Variants in ACOT1 observed in about 807,000 individuals in gnomAD.
The protein encoded by ACOT1 is acyl-CoA thioesterase 1.
ACOT1 carries 8 observed loss-of-function variants against 15.7 expected under a neutral mutation model. The ratio of observed to expected loss-of-function variants is 0.51; its 90% confidence interval spans 0.30 to 0.92. The LOEUF (loss-of-function observed/expected upper bound fraction) is 0.92, where lower values mean the gene tolerates loss of function less well. Among genes scored for constraint, ACOT1 ranks in the 40% least tolerant of loss-of-function variants. ACOT1 has a pLI of 0.06. For missense variants in ACOT1, 151 were observed against 539.4 expected, an observed-to-expected ratio of 0.28 and a Z score of 7.13; for synonymous variants, 67 against 241.2, an observed-to-expected ratio of 0.28 and a Z score of 6.69.
chr14:73,491,704 G>A, the ACOT1 span: 9 of 1,550,176 alleles, frequency 5.8e-6, no homozygotes, highest in Admixed American at 3.9e-5. Flanking sequence ...AGGCGGTGCT[G>A]GTGCGGCGGC....
chr14:73,499,130 C>T, the ACOT1 span: 49 of 1,614,042 alleles, frequency 3.0e-5, no homozygotes, highest in Non-Finnish European at 3.7e-5. Flanking sequence ...GTTCAGGAGG[C>T]ATTCAAGCAC....
At chr14:73,509,811 C>CATATATATATAT in the ACOT1 span, among the ~76,000 whole-genome samples, 6 of 19,492 alleles carry the variant, frequency 3.1e-4, 1 homozygote, top group South Asian at 1.9e-3. Context: ...CCCATGAGCC[C>CATATATATATAT]ATATATATAT....
At chr14:73,496,135 A>G in the ACOT1 span, among the ~76,000 whole-genome samples, 8 of 150,916 alleles carry the variant, frequency 5.3e-5, no homozygotes, top group Admixed American at 1.3e-4. Flanking sequence ...CCCCCCCTCA[A>G]AAAAAAAAGC....
the ACOT1 span, among the ~76,000 whole-genome samples, chr14:73,506,804 G>GTTTTTTTTTTTTTTTTTT: frequency 9.1e-3 from 734 of 80,448 alleles, 147 homozygotes; most frequent in East Asian, 0.085. Flanking sequence ...GACTTTAACT[G>GTTTTTTTTTTTTTTTTTT]TTTTTTTTTT....
chr14:73,505,890 C>CTT, the ACOT1 span, among the ~76,000 whole-genome samples: 15,651 of 113,298 alleles, frequency 0.14, 1,900 homozygotes, highest in Non-Finnish European at 0.21. Flanking sequence ...ATAAACGTTT[C>CTT]TTTTTTTTTT....
chr14:73,525,106 T>TGCA, the ACOT1 span, among the ~76,000 whole-genome samples: 1 of 152,196 alleles, frequency 6.6e-6, no homozygotes, highest in South Asian at 2.1e-4. Flanking sequence ...CATAGCTCAC[T>TGCA]GCAGCCTCAA....
At chr14:73,496,472 G>A in the ACOT1 span, 2 of 625,406 alleles carry the variant, frequency 3.2e-6, no homozygotes, top group African/African-American at 3.7e-5. Context: ...TGTGGCATCT[G>A]TGTCTGGGGT....
chr14:73,503,065 G>A, the ACOT1 span: 1 of 1,394,914 alleles, frequency 7.2e-7, no homozygotes. Flanking sequence ...TGTTAATTTT[G>A]TGCTTGGCGT....
the ACOT1 span, chr14:73,491,174 C>G: frequency 6.2e-7 from 1 of 1,601,956 alleles, no homozygotes. Context: ...CATGGCAGCG[C>G]TGAGGACGCA....
the ACOT1 span, among the ~76,000 whole-genome samples, chr14:73,521,672 G>C: frequency 6.6e-6 from 1 of 152,188 alleles, no homozygotes; most frequent in Non-Finnish European, 1.5e-5. Flanking sequence ...AGCAATCTAA[G>C]AAACATGTAG....
chr14:73,527,884 C>T, the ACOT1 span, among the ~76,000 whole-genome samples: 30 of 140,110 alleles, frequency 2.1e-4, 1 homozygote, highest in Admixed American at 1.0e-3. Context: ...GAGGCTGAGG[C>T]AGGAGAGTTC....
chr14:73,510,898 T>G, the ACOT1 span, among the ~76,000 whole-genome samples: 2 of 152,262 alleles, frequency 1.3e-5, no homozygotes, highest in African/African-American at 4.8e-5. Flanking sequence ...GGCCTGCCTG[T>G]TATAAGTTAC....
the ACOT1 span, among the ~76,000 whole-genome samples, chr14:73,508,982 T>G: frequency 2.0e-5 from 3 of 151,978 alleles, no homozygotes; most frequent in Non-Finnish European, 4.4e-5. Context: ...TAGGTCTGCC[T>G]CAGCCTCCTA....
In ACOT1 at chr14:73,542,439, G is replaced by A. The variant is rs544107899; in HGVS notation, c.661-611G>A. 1.1e-3 allele frequency among the ~76,000 whole-genome samples: 96 copies of A among 88,708 alleles called. 2 individuals carry two copies. Among genetic ancestry groups the A allele is most frequent in the African/African-American group, 3.4e-3 (85 of 24,848 alleles). 58.2% of individuals were successfully genotyped at this position (88,708 alleles called of 152,430 possible). A position where few individuals can be genotyped will look rare whatever the true frequency, so the allele number is the denominator to read the frequency against. ...TTTTTTTTTAAGACGGAGTCTTGCC[G>A]TGTCAACGAGGCTGGAGTGCAGTGG... On this transcript the variant is annotated intron_variant, in intron 2 of 2. Coordinates refer to ENST00000311148, the MANE Select transcript of ACOT1 (RefSeq NM_001037161.2).
At chr14:73,535,549 AGC>A (rs1485983769), upstream of ACOT1, among the ~76,000 whole-genome samples, 39 of 87,958 alleles carry the variant, frequency 4.4e-4, 7 homozygotes, top group African/African-American at 1.4e-3. Flanking sequence ...GCTCACTGCA[AGC>A]ACTGCCTCCA....
chr14:73,533,562 C>G (rs1283631977), upstream of ACOT1, among the ~76,000 whole-genome samples: 1 of 113,070 alleles, frequency 8.8e-6, no homozygotes, highest in Non-Finnish European at 1.9e-5. Flanking sequence ...GCCTGTAGTC[C>G]CAGCTACCTG....
chr14:73,518,412 GAAAA>G, the ACOT1 span, among the ~76,000 whole-genome samples: 1 of 108,776 alleles, frequency 9.2e-6, no homozygotes, highest in Non-Finnish European at 2.0e-5. Flanking sequence ...TCCAAAAAAA[GAAAA>G]AAAAAAAAAA....
upstream of ACOT1, among the ~76,000 whole-genome samples, chr14:73,535,481 T>C (rs1321324621): frequency 1.2e-3 from 54 of 43,556 alleles, 5 homozygotes; most frequent in African/African-American, 7.2e-3. Context: ...TTTTTTTTTT[T>C]TTTTTTTTTT....
chr14:73,515,219 T>G, the ACOT1 span, among the ~76,000 whole-genome samples: 1 of 152,192 alleles, frequency 6.6e-6, no homozygotes, highest in African/African-American at 2.4e-5. Context: ...ATGTACTAAA[T>G]TCATTATTCA....
Sources: allele counts gnomAD v4.1 joint callset (sites outside exome capture counted in the v4.1 genomes callset), GRCh38; gene constraint gnomAD v4.1.1; transcripts MANE v1.5; gene names NCBI Gene and HGNC (gene_info 2026-07-23, HGNC 2026-07-21).